Variants in PACC1 observed in about 807,000 individuals in gnomAD.
The protein encoded by PACC1 is proton activated chloride channel 1, also known as proton-activated chloride channel.
PACC1 carries 34 observed loss-of-function variants against 39.7 expected under a neutral mutation model. The ratio of observed to expected loss-of-function variants is 0.86; its 90% CI spans 0.65 to 1.14. The LOEUF (loss-of-function observed/expected upper bound fraction) is 1.14. PACC1 is among the 50% of genes most tolerant of loss of function. The pLI, the probability that PACC1 is intolerant of heterozygous loss-of-function variation, is 0.00. For missense variants in PACC1, 379 were observed against 436.4 expected (o/e 0.87, Z 1.17); for synonymous variants, 127 against 160.6 (o/e 0.79, Z 1.58).
chr1:212,398,883 C>G (rs926509937), intron 2 of PACC1, among the ~76,000 whole-genome samples: 6 of 152,212 alleles, frequency 3.9e-5, no homozygotes, highest in Non-Finnish European at 5.9e-5. Flanking sequence ...TCACAAGACA[C>G]TGACCTCCTT....
At chr1:212,369,130 C>CT in intron 7 of PACC1, among the ~76,000 whole-genome samples, 1 of 151,736 alleles carries the variant, frequency 6.6e-6, no homozygotes, top group Non-Finnish European at 1.5e-5. Context: ...TTTTTTGTTT[C>CT]TTTGTGATCA....
rs573431480 is a variant in PACC1, at chr1:212,414,734, T to C, written c.24A>G (p.Thr8=). 10 of 1,613,458 alleles carry C rather than the reference T, an allele frequency of 6.2e-6. No individual in the cohort carries two copies. The Admixed American group carries it at 8.3e-5, about 13-fold the overall frequency. ...CACAACCTCGTACCTCCTGGTAGGA[T>C]GTGGAGCGCTCCTGCCGGATCATGG... MIRQERS[T]SYQELSEELV... Residue 8 remains threonine, a synonymous_variant, in exon 1 of 8, where the codon ACA becomes ACG. Coordinates refer to ENST00000261455, the MANE Select transcript of PACC1 (RefSeq NM_018252.3).
intron 2 of PACC1, among the ~76,000 whole-genome samples, chr1:212,400,270 A>C (rs1345795037): frequency 2.6e-5 from 4 of 152,242 alleles, no homozygotes. Context: ...CATGATTTGA[A>C]ATGTTTTGCC....
At chr1:212,390,102 G>A (rs1661253354) in intron 2 of PACC1, among the ~76,000 whole-genome samples, 1 of 152,038 alleles carries the variant, frequency 6.6e-6, no homozygotes, top group South Asian at 2.1e-4. Flanking sequence ...GTAGTGACAT[G>A]TAACTGGAGA....
chr1:212,365,204 G>T lies in PACC1; in HGVS notation c.*11C>A, dbSNP rs370633643. ...TGATGTGGACAGTTCTCTAAACAAC[G>T]CGAGGTGACTTCAGCTTATGTGGCT... On this transcript the variant is annotated 3_prime_UTR_variant, in exon 8 of 8. Coordinates refer to ENST00000261455, the MANE Select transcript of PACC1 (RefSeq NM_018252.3). 1.6e-5 allele frequency: 26 copies of T among 1,611,388 alleles called. No homozygotes were observed. Among genetic ancestry groups the T allele is most frequent in the Non-Finnish European group, 2.2e-5 (26 of 1,178,846 alleles).
At chr1:212,372,413 A>G (rs1338308718) in intron 7 of PACC1, among the ~76,000 whole-genome samples, 1 of 152,204 alleles carries the variant, frequency 6.6e-6, no homozygotes, top group Non-Finnish European at 1.5e-5. Context: ...GGAAAAATTC[A>G]AAGTCTTTCT....
chr1:212,377,219 TAATC>T (rs1249219744), intron 6 of PACC1, among the ~76,000 whole-genome samples: 1 of 152,150 alleles, frequency 6.6e-6, no homozygotes, highest in Non-Finnish European at 1.5e-5. Flanking sequence ...TCCCTGCAAA[TAATC>T]AATCTGCTAG....
rs1660158416 is a variant in PACC1, at chr1:212,364,399, T to A, written c.*816A>T. 1 of 152,220 alleles carries A rather than the reference T, an allele frequency of 6.6e-6. No homozygotes were observed. The highest frequency in any genetic ancestry group is 1.5e-5 in the Non-Finnish European group (1 of 68,046). 9.4% of individuals were successfully genotyped at this position (152,220 alleles called of 1,614,324 possible). A position where few individuals can be genotyped will look rare whatever the true frequency, so the allele number is the denominator to read the frequency against. On this transcript the variant is annotated 3_prime_UTR_variant, in exon 8 of 8. Coordinates refer to ENST00000261455, the MANE Select transcript of PACC1 (RefSeq NM_018252.3). ...CTTGGGAGTCCAGACTCATACTACC[T>A]TTTTGTCCTTGGAAGTCACCAAATG...
intron 2 of PACC1, among the ~76,000 whole-genome samples, chr1:212,397,009 A>G (rs567068298): frequency 5.9e-5 from 9 of 152,316 alleles, no homozygotes; most frequent in Non-Finnish European, 1.2e-4. Flanking sequence ...AAGATGAAAT[A>G]AAGATATTTT....
intron 2 of PACC1, among the ~76,000 whole-genome samples, chr1:212,394,442 A>G (rs557460119): frequency 6.6e-5 from 10 of 152,262 alleles, no homozygotes; most frequent in Non-Finnish European, 1.2e-4. Flanking sequence ...ATCTAAAAAT[A>G]ACAAGAGCTA....
intron 7 of PACC1, among the ~76,000 whole-genome samples, chr1:212,374,326 T>C (rs1283442234): frequency 1.3e-5 from 2 of 151,958 alleles, no homozygotes; most frequent in Non-Finnish European, 2.9e-5. Flanking sequence ...GAAAAACAAA[T>C]ACCACACGTT....
chr1:212,394,115 C>G (rs555842821), intron 2 of PACC1, among the ~76,000 whole-genome samples: 64 of 151,828 alleles, frequency 4.2e-4, no homozygotes, highest in African/African-American at 1.4e-3. Context: ...GATACCAAAG[C>G]CTGGCAGAGA....
At chr1:212,400,853 TG>T (rs527262294) in intron 2 of PACC1, among the ~76,000 whole-genome samples, 17 of 152,172 alleles carry the variant, frequency 1.1e-4, no homozygotes, top group Non-Finnish European at 2.9e-5. Context: ...ACCCCAAACT[TG>T]CCCCAGAATG....
At chr1:212,385,580 T>A (rs183190520) in intron 3 of PACC1, among the ~76,000 whole-genome samples, 155 bp from the exon 4 acceptor site, 3 of 152,000 alleles carry the variant, frequency 2.0e-5, no homozygotes, top group African/African-American at 7.2e-5. Context: ...AGGAGCCACA[T>A]CCCCTGGCCT....
At chr1:212,413,792 C>T in intron 1 of PACC1, 2 of 1,291,082 alleles carry the variant, frequency 1.5e-6, no homozygotes, top group Non-Finnish European at 1.0e-6. Flanking sequence ...GGCAGGGCCT[C>T]AAGGCAAATC....
At chr1:212,388,579 G>A (rs1414684425) in intron 2 of PACC1, among the ~76,000 whole-genome samples, 2 of 152,172 alleles carry the variant, frequency 1.3e-5, no homozygotes, top group African/African-American at 2.4e-5. Flanking sequence ...TATAAGAGGA[G>A]GAGACACTAG....
chr1:212,378,121 C>G (rs1364865136), intron 5 of PACC1, among the ~76,000 whole-genome samples: 3 of 152,190 alleles, frequency 2.0e-5, no homozygotes, highest in African/African-American at 7.2e-5. Flanking sequence ...CCCTCACCAG[C>G]CTGTCAGCTC....
chr1:212,402,687 C>A (rs1661759683), intron 2 of PACC1, among the ~76,000 whole-genome samples: 1 of 152,212 alleles, frequency 6.6e-6, no homozygotes, highest in Non-Finnish European at 1.5e-5. Context: ...TGGAGTCTCA[C>A]TCTGTCACCC....
At chr1:212,399,823 C>T (rs748312990) in intron 2 of PACC1, among the ~76,000 whole-genome samples, 1 of 151,920 alleles carries the variant, frequency 6.6e-6, no homozygotes, top group African/African-American at 2.4e-5. Context: ...GGATTACAGG[C>T]GTGAGCCACT....
Sources: allele counts gnomAD v4.1 joint callset (sites outside exome capture counted in the v4.1 genomes callset), GRCh38; gene constraint gnomAD v4.1.1; transcripts MANE v1.5; gene names NCBI Gene and HGNC (gene_info 2026-07-23, HGNC 2026-07-21).